The following OIT3 variants were observed in gnomAD, a reference collection of about 807,000 sequenced individuals.
The protein encoded by OIT3 is oncoprotein-induced transcript 3 protein.
A neutral mutation model predicts 52.2 loss-of-function variants in OIT3; 41 were observed. That is an observed-to-expected ratio of 0.79 (90% CI 0.61 to 1.02). The LOEUF (loss-of-function observed/expected upper bound fraction) is 1.02. Ranked by LOEUF, OIT3 falls within the 50% of genes least tolerant of loss-of-function variation. OIT3 has a pLI of 0.00. For synonymous variants in OIT3, 244 were observed against 276.9 expected (o/e 0.88, Z 1.18); for missense variants, 634 against 715.5 (o/e 0.89, Z 1.30).
At chr10:72,899,090 G>T in intron 2 of OIT3, 52 bp downstream of exon 2, 1 of 1,526,752 alleles carries the variant, frequency 6.5e-7, no homozygotes. Flanking sequence ...CACAGGTGGA[G>T]TCCAAAAGTG....
At chr10:72,906,448 T>G in intron 3 of OIT3, 148 bp from the exon 4 acceptor site, 1 of 785,092 alleles carries the variant, frequency 1.3e-6, no homozygotes. Context: ...ATCAGGTGGA[T>G]GGGAGTGATG....
intron 6 of OIT3, among the ~76,000 whole-genome samples, chr10:72,919,994 A>G (rs568554347): frequency 6.6e-6 from 1 of 152,166 alleles, no homozygotes; most frequent in South Asian, 2.1e-4. Context: ...CTCCCTTTCA[A>G]TTTTTTGAAA....
rs1846154130 is a variant in OIT3, at chr10:72,924,698, A to T, written c.1367+54A>T. 2.2e-6 allele frequency: 3 copies of T among 1,375,452 alleles called. No individual in the cohort carries two copies. The African/African-American group carries it at 4.4e-5, about 20-fold the overall frequency. The allele number at this position is 1,375,452 out of a possible 1,614,324, so 85.2% of individuals were successfully genotyped here. A position where few individuals can be genotyped will look rare whatever the true frequency, so the allele number is the denominator to read the frequency against. On this transcript the variant is annotated intron_variant, in intron 7 of 8. Transcript: ENST00000334011. Reference sequence around the variant, plus strand: ...ACCCCTAGTTCACATCCGGCCTCTAAGTTCACAGCACACCCAGTCATTTAC... The same window carrying T: ...ACCCCTAGTTCACATCCGGCCTCTATGTTCACAGCACACCCAGTCATTTAC...
At chr10:72,904,839 A>T (rs951401814) in intron 3 of OIT3, among the ~76,000 whole-genome samples, 1 of 152,264 alleles carries the variant, frequency 6.6e-6, no homozygotes, top group Admixed American at 6.5e-5. Context: ...TAGTGTTGCT[A>T]TAAAGGAATA....
chr10:72,908,765 A>G (rs1297345252), intron 4 of OIT3, among the ~76,000 whole-genome samples: 2 of 152,124 alleles, frequency 1.3e-5, no homozygotes, highest in Non-Finnish European at 2.9e-5. Context: ...ACTAATAACC[A>G]TAACTGAAAA....
chr10:72,926,571 G>C lies in OIT3; in HGVS notation c.1367+1927G>C, dbSNP rs570901653. 9.9e-5 allele frequency among the ~76,000 whole-genome samples: 15 copies of C among 152,274 alleles called. No homozygotes were observed. The East Asian group carries it at 2.7e-3, about 27-fold the overall frequency. ...CTCTTAATGGTTCTTTATTAGCTTT[G>C]ATCAGTAAATCTGCTTCTCAGAAGG... On this transcript the variant is annotated intron_variant, in intron 7 of 8. Transcript: ENST00000334011.
At chr10:72,903,606 C>T (rs1288382982) in intron 3 of OIT3, among the ~76,000 whole-genome samples, 2 of 152,172 alleles carry the variant, frequency 1.3e-5, no homozygotes, top group Non-Finnish European at 2.9e-5. Context: ...TTCTCTCAGC[C>T]TCCAGGGGTA....
At chr10:72,902,845 A>G (rs546665394) in intron 3 of OIT3, among the ~76,000 whole-genome samples, 1 of 152,346 alleles carries the variant, frequency 6.6e-6, no homozygotes, top group Non-Finnish European at 1.5e-5. Context: ...CATGGGGACT[A>G]TTACAATTCA....
chr10:72,913,729 A>G (rs1362177487), intron 6 of OIT3: 6 of 586,870 alleles, frequency 1.0e-5, no homozygotes, highest in Non-Finnish European at 1.9e-5. Context: ...TCCTGAATGC[A>G]TCAGTACCAG....
At chr10:72,929,486 CA>C (rs1279777728) in intron 7 of OIT3, among the ~76,000 whole-genome samples, 1 of 152,040 alleles carries the variant, frequency 6.6e-6, no homozygotes, top group East Asian at 1.9e-4. Context: ...TGGCTCACTG[CA>C]GCCTCTGCCT....
rs540046250 is a variant in OIT3, at chr10:72,898,852, G to A, written c.250G>A (p.Ala84Thr). The A allele has an allele frequency of 8.1e-6, 13 of 1,614,118 alleles. No individual in the cohort carries two copies. In the African/African-American group the frequency reaches 1.2e-4, roughly 15 times the overall value. The change falls in exon 2 of 9, where the codon GCA becomes ACA. Residue 84 changes from alanine (A) to threonine (T), a missense_variant. Coordinates refer to ENST00000334011, the MANE Select transcript of OIT3 (RefSeq NM_152635.3). ...ACCAGAAAACCACTGTGGAACCCAC[G>A]CACCTGTCTGGCTCAATGGCAGCCA... ...CIPENHCGTH[A>T]PVWLNGSHPL...
chr10:72,900,648 T>A (rs1845924091), intron 3 of OIT3, among the ~76,000 whole-genome samples, 164 bp downstream of exon 3: 1 of 152,196 alleles, frequency 6.6e-6, no homozygotes. Context: ...CCACGCCAAA[T>A]TTGTATCATG....
At chr10:72,899,603 A>G (rs1845909911) in intron 2 of OIT3, among the ~76,000 whole-genome samples, 1 of 151,800 alleles carries the variant, frequency 6.6e-6, no homozygotes, top group African/African-American at 2.4e-5. Context: ...TTCAAAAAAA[A>G]AAAAAAAAGA....
chr10:72,907,255 A>G (rs1161880342), intron 4 of OIT3, among the ~76,000 whole-genome samples: 1 of 152,196 alleles, frequency 6.6e-6, no homozygotes, highest in Non-Finnish European at 1.5e-5. Context: ...CCTGGGCAAC[A>G]GAGAGAAAAT....
At chr10:72,908,939 AT>A (rs898047793) in intron 4 of OIT3, among the ~76,000 whole-genome samples, 278 of 141,496 alleles carry the variant, frequency 2.0e-3, no homozygotes, top group Middle Eastern at 3.6e-3. Context: ...GCCCTTTTTA[AT>A]TTTTTTTTTT....
intron 3 of OIT3, among the ~76,000 whole-genome samples, chr10:72,901,172 T>C (rs1050466220): frequency 6.6e-6 from 1 of 152,182 alleles, no homozygotes; most frequent in African/African-American, 2.4e-5. Context: ...ATTTCGCCAG[T>C]TTATTTTTAA....
At position 72,909,072 on chromosome 10, in the gene OIT3, A is replaced by G. The variant is rs574692165; in HGVS notation, c.667+2354A>G. Among the ~76,000 whole-genome samples the G allele has an allele frequency of 5.4e-5, 8 of 149,248 alleles. No homozygotes were observed. The South Asian group carries it at 8.5e-4, about 16-fold the overall frequency. ...GTAGTACCCAATAGGTAGTTTTTCA[A>G]TCCTCACCCTGCTCCCTCCTCCTAC... On this transcript the variant is annotated intron_variant, in intron 4 of 8. Coordinates refer to ENST00000334011, the MANE Select transcript of OIT3 (RefSeq NM_152635.3).
chr10:72,932,630 C>T lies in OIT3; in HGVS notation c.*106C>T, dbSNP rs1846228306. The T allele has an allele frequency of 1.9e-6, 2 of 1,026,548 alleles. No homozygotes were observed. The highest frequency in any genetic ancestry group is 3.3e-5 in the South Asian group (2 of 60,040). 63.6% of individuals were successfully genotyped at this position (1,026,548 alleles called of 1,614,324 possible). A position where few individuals can be genotyped will look rare whatever the true frequency, so the allele number is the denominator to read the frequency against. ...TGCCAACAGCTGGGTTCAGACTTCA[C>T]ACTGTGAGTTCAGACTCCCAGCACC... is the stretch of plus-strand genomic sequence containing the variant. On this transcript the variant is annotated 3_prime_UTR_variant, in exon 9 of 9. Transcript: ENST00000334011.
intron 6 of OIT3, chr10:72,918,020 TTCATCGTCATCA>T: frequency 1.2e-6 from 1 of 826,728 alleles, no homozygotes; most frequent in South Asian, 1.3e-5. Flanking sequence ...CTTCATCTTC[TTCATCGTCATCA>T]TCATCATCAT....
Sources: gnomAD v4.1 joint callset for allele counts (sites outside exome capture counted in the v4.1 genomes callset) on GRCh38, gnomAD v4.1.1 for gene constraint, MANE v1.5 for transcripts, NCBI Gene and HGNC (gene_info 2026-07-23, HGNC 2026-07-21) for gene names.